Variants in PCDHGB2 observed in about 807,000 individuals in gnomAD.
PCDHGB2 encodes the protein protocadherin gamma-B2.
Under a neutral mutation model 59.3 loss-of-function variants are expected in PCDHGB2, and 55 were observed. That is an observed-to-expected ratio of 0.93 (90% CI 0.75 to 1.16). PCDHGB2 has a LOEUF of 1.16. PCDHGB2 is among the 50% of genes most tolerant of loss of function. The pLI, the probability that PCDHGB2 is intolerant of heterozygous loss-of-function variation, is 0.00. For synonymous variants in PCDHGB2, 516 were observed against 512.0 expected (o/e 1.01, Z -0.11); for missense variants, 1,228 against 1,198.5 (o/e 1.02, Z -0.36).
At position 141,364,458 on chromosome 5, in the gene PCDHGB2, C is replaced by G; in HGVS notation, c.2421+1902C>G. 6.2e-7 allele frequency: 1 copy of G among 1,614,028 alleles called. No homozygotes were observed. ...ATGCCGGAGGAGCTGGACAAAGGCT[C>G]CTTCGTCGGCAACATAGCCAAGGAC... On this transcript the variant is annotated intron_variant, in intron 1 of 3. Coordinates refer to ENST00000522605, the MANE Select transcript of PCDHGB2 (RefSeq NM_018923.3).
chr5:141,422,477 A>G (rs1230502545), intron 1 of PCDHGB2: 2 of 1,613,904 alleles, frequency 1.2e-6, no homozygotes, highest in Admixed American at 1.7e-5. Flanking sequence ...GAGTTGGTCC[A>G]GAGCTACAAT....
Position 141,404,868 on chromosome 5 carries a change from A to G in PCDHGB2, c.2421+42312A>G, listed in dbSNP as rs375122600. On this transcript the variant is annotated intron_variant, in intron 1 of 3. Coordinates refer to ENST00000522605, the MANE Select transcript of PCDHGB2 (RefSeq NM_018923.3). Reference sequence around the variant, plus strand: ...GCCCTGCTAGATAGAGATGCGCTCAAACAGAGCCTTGTGGTGGCTGTACAG... The same window carrying G: ...GCCCTGCTAGATAGAGATGCGCTCAGACAGAGCCTTGTGGTGGCTGTACAG... 5.1e-5 allele frequency: 83 copies of G among 1,613,770 alleles called. 1 individual carries two copies. The highest frequency in any genetic ancestry group is 6.9e-5 in the Non-Finnish European group (81 of 1,179,896).
chr5:141,409,670 T>C lies in PCDHGB2; in HGVS notation c.2421+47114T>C, dbSNP rs2095300697. 1.9e-6 allele frequency: 3 copies of C among 1,613,486 alleles called. No homozygotes were observed. In the East Asian group the frequency reaches 6.7e-5, roughly 36 times the overall value. ...GGGGCTCAATGGCCACATCTCCTACTCTATAGTGGCGAGTGACCTAGAGCC... is the reference window on the plus strand; with the variant it reads ...GGGGCTCAATGGCCACATCTCCTACCCTATAGTGGCGAGTGACCTAGAGCC... On this transcript the variant is annotated intron_variant, in intron 1 of 3. Transcript: ENST00000522605.
At chr5:141,371,597 A>C (rs982667859) in intron 1 of PCDHGB2, 7 of 1,613,908 alleles carry the variant, frequency 4.3e-6, no homozygotes, top group Non-Finnish European at 5.9e-6. Flanking sequence ...CCAAAAACAC[A>C]TACAGGTTGG....
intron 1 of PCDHGB2, among the ~76,000 whole-genome samples, chr5:141,460,369 T>C (rs1048970945): frequency 2.1e-4 from 32 of 152,322 alleles, no homozygotes; most frequent in African/African-American, 7.7e-4. Flanking sequence ...AGTTTTATAG[T>C]TTTACCATTT....
intron 1 of PCDHGB2, 118 bp downstream of exon 1, chr5:141,362,674 AT>A: frequency 8.0e-7 from 1 of 1,246,856 alleles, no homozygotes; most frequent in Non-Finnish European, 1.1e-6. Flanking sequence ...TTGTGCCTTA[AT>A]TGTCTTAATC....
chr5:141,491,763 T>C lies in PCDHGB2; in HGVS notation c.2422-3044T>C. 1 of 1,570,222 alleles carries C rather than the reference T, an allele frequency of 6.4e-7. No homozygotes were observed. Among genetic ancestry groups the C allele is most frequent in the Non-Finnish European group, 8.6e-7 (1 of 1,159,286 alleles). Reference sequence around the variant, plus strand: ...GCGGCACTGGAGAAGCCGCCCGTCCTCATAAGGGATTGAACTTGCATCCAC... The same window carrying C: ...GCGGCACTGGAGAAGCCGCCCGTCCCCATAAGGGATTGAACTTGCATCCAC... On this transcript the variant is annotated intron_variant, in intron 1 of 3. Coordinates refer to ENST00000522605, the MANE Select transcript of PCDHGB2 (RefSeq NM_018923.3). The surrounding 1 kb of genome is among the most constrained non-coding windows in gnomAD (Gnocchi z 6.9).
At chr5:141,419,261 G>C (rs758952830) in intron 1 of PCDHGB2, 16 of 1,613,982 alleles carry the variant, frequency 9.9e-6, no homozygotes, top group Non-Finnish European at 1.3e-5. Context: ...CAACCAGCCG[G>C]GTGCCTCCAT....
At position 141,388,041 on chromosome 5, in the gene PCDHGB2, G is replaced by C. The variant is rs2091214564; in HGVS notation, c.2421+25485G>C. The C allele has an allele frequency of 2.1e-6, 3 of 1,416,086 alleles. No homozygotes were observed. The African/African-American group carries it at 4.3e-5, about 20-fold the overall frequency. The allele number at this position is 1,416,086 out of a possible 1,614,324, so 87.7% of individuals were successfully genotyped here. ...CTCCGTAGTGGGGAACCTCGCCACG[G>C]ACCTGGGGTTCAGCGTCCAGGAGTT... On this transcript the variant is annotated intron_variant, in intron 1 of 3. Transcript: ENST00000522605.
intron 1 of PCDHGB2, among the ~76,000 whole-genome samples, chr5:141,455,998 T>C (rs1301217416): frequency 2.6e-5 from 4 of 151,692 alleles, no homozygotes; most frequent in Non-Finnish European, 4.4e-5. Flanking sequence ...CTCGGGTTCA[T>C]GCCATTCTCC....
At chr5:141,482,801 G>C (rs1230060558) in intron 1 of PCDHGB2, among the ~76,000 whole-genome samples, 1 of 152,176 alleles carries the variant, frequency 6.6e-6, no homozygotes, top group African/African-American at 2.4e-5. Flanking sequence ...GCCGGGTACG[G>C]TGGCTCATGC....
chr5:141,372,622 A>G lies in PCDHGB2; in HGVS notation c.2421+10066A>G, dbSNP rs1231771489. The G allele has an allele frequency of 6.2e-7, 1 of 1,613,952 alleles. No homozygotes were observed. The highest frequency in any genetic ancestry group is 1.6e-4 in the Middle Eastern group (1 of 6,062). On this transcript the variant is annotated intron_variant, in intron 1 of 3. Transcript: ENST00000522605. ...ACTGTACCTGGAGTTCTCCCCACCT[A>G]CAGCGAAAGGACTTTGCCTTATTCC...
chr5:141,446,191 T>C (rs2098492956), intron 1 of PCDHGB2, among the ~76,000 whole-genome samples: 1 of 152,206 alleles, frequency 6.6e-6, no homozygotes, highest in Non-Finnish European at 1.5e-5. Flanking sequence ...TGTTTATTAT[T>C]ATATTCCTAG....
intron 1 of PCDHGB2, chr5:141,478,239 C>T: frequency 1.2e-6 from 2 of 1,614,132 alleles, no homozygotes; most frequent in Non-Finnish European, 1.7e-6. Context: ...TTTGTGGTCA[C>T]AGTGTTCGGA....
intron 2 of PCDHGB2, among the ~76,000 whole-genome samples, chr5:141,499,496 T>C (rs1167360015): frequency 6.6e-6 from 1 of 152,182 alleles, no homozygotes; most frequent in East Asian, 1.9e-4. Flanking sequence ...CAGTTTAATA[T>C]GAAACATTTC....
At chr5:141,422,074 C>A (rs886758924) in intron 1 of PCDHGB2, 1 of 1,612,264 alleles carries the variant, frequency 6.2e-7, no homozygotes, top group African/African-American at 1.3e-5. Flanking sequence ...GTATTCATTT[C>A]GGAACATGGA....
chr5:141,386,797 T>C (rs771279831), intron 1 of PCDHGB2, among the ~76,000 whole-genome samples: 1 of 152,124 alleles, frequency 6.6e-6, no homozygotes, highest in Non-Finnish European at 1.5e-5. Context: ...TGACCAAAAT[T>C]TATTAGATGC....
chr5:141,373,720 C>T (rs1769798008), intron 1 of PCDHGB2, among the ~76,000 whole-genome samples: 1 of 152,328 alleles, frequency 6.6e-6, no homozygotes, highest in East Asian at 1.9e-4. Flanking sequence ...ATCTCTTACA[C>T]TCTTCTAAAT....
chr5:141,417,995 G>A (rs779307855), intron 1 of PCDHGB2: 74 of 1,613,786 alleles, frequency 4.6e-5, no homozygotes, highest in Admixed American at 1.7e-4. Flanking sequence ...CAAGGGCTCG[G>A]TGGTGGGGAA....
Sources: gnomAD v4.1 joint callset for allele counts (sites outside exome capture counted in the v4.1 genomes callset) on GRCh38, gnomAD v4.1.1 for gene constraint, Gnocchi (gnomAD v3.1) non-coding constraint, MANE v1.5 for transcripts, NCBI Gene and HGNC (gene_info 2026-07-23, HGNC 2026-07-21) for gene names.